Variants in PROX2 observed in about 807,000 individuals in gnomAD.
PROX2 encodes the protein prospero homeobox 2, also known as prospero homeobox protein 2.
PROX2 carries 46 observed loss-of-function variants against 48.9 expected under a neutral mutation model. That is an observed-to-expected ratio of 0.94 (90% CI 0.74 to 1.20). PROX2 has a LOEUF of 1.20. Ranked by LOEUF, PROX2 falls within the 50% of genes most tolerant of loss-of-function variation. The pLI, the probability that PROX2 is intolerant of heterozygous loss-of-function variation, is 0.00. For synonymous variants in PROX2, 260 were observed against 276.6 expected (o/e 0.94, Z 0.60); for missense variants, 663 against 719.4 (o/e 0.92, Z 0.90).
chr14:74,873,799 T>C (rs1883273669), intron 1 of PROX2: 2 of 462,504 alleles, frequency 4.3e-6, no homozygotes, highest in Non-Finnish European at 8.5e-6. Flanking sequence ...GCAGCATGTA[T>C]GCTGTATGCA....
chr14:74,862,536 C>T lies in PROX2; in HGVS notation c.1299G>A (p.Leu433=), dbSNP rs554116971. ...HAVMEALPFS[L]VHIQEGLNPG... The stretch of plus-strand genomic sequence containing the variant: ...AATTGCTATTAAAGGATATGTGGAC[C>T]AAAGAGAAAGGCAGTGCCTCCATGA... Residue 433 remains leucine, a synonymous_variant, in exon 3 of 6, where the codon TTG becomes TTA. Transcript: ENST00000556489. 2.5e-5 allele frequency: 41 copies of T among 1,611,908 alleles called. No homozygotes were observed. The highest frequency in any genetic ancestry group is 3.4e-5 in the Non-Finnish European group (40 of 1,179,172).
chr14:74,863,235 G>C lies in PROX2; in HGVS notation c.600C>G (p.Leu200=), dbSNP rs747551694. The C allele has an allele frequency of 1.9e-5, 31 of 1,613,848 alleles. No individual in the cohort carries two copies. Among genetic ancestry groups the C allele is most frequent in the Non-Finnish European group, 2.5e-5 (30 of 1,179,876 alleles). ...GDHQQGTSKD[L]SGAEKHQESE... ...ACTCTTGGTGTTTTTCTGCCCCAGA[G>C]AGGTCCTTGCTGGTACCTTGCTGGT... Residue 200 remains leucine (L), a synonymous_variant, in exon 3 of 6, where the codon CTC becomes CTG. Coordinates refer to ENST00000556489, the MANE Select transcript of PROX2 (RefSeq NM_001243007.2).
At position 74,863,386 on chromosome 14, in the gene PROX2, A is replaced by C. The variant is rs972226731; in HGVS notation, c.449T>G (p.Ile150Ser). ...GTCCCTGGGCTTGGCAGCCTGTAGG[A>C]TGTGCTCTTGCAGATGTCTTAGCTG... The part of the protein sequence containing the change: ...KQQLRHLQEH[I>S]LQAAKPRDTA... The change falls in exon 3 of 6, where the codon ATC becomes AGC. Residue 150 changes from isoleucine (I) to serine (S), a missense_variant. Coordinates refer to ENST00000556489, the MANE Select transcript of PROX2 (RefSeq NM_001243007.2). 1.2e-6 allele frequency: 2 copies of C among 1,613,700 alleles called. No individual in the cohort carries two copies. The highest frequency in any genetic ancestry group is 2.7e-5 in the African/African-American group (2 of 74,930).
At chr14:74,870,560 T>G (rs1883188166) in intron 2 of PROX2, among the ~76,000 whole-genome samples, 1 of 152,236 alleles carries the variant, frequency 6.6e-6, no homozygotes, top group South Asian at 2.1e-4. Flanking sequence ...TTTCTTTTTA[T>G]TTTTCTGAAT....
Position 74,863,988 on chromosome 14 carries a change from A to G in PROX2, c.-154T>C, listed in dbSNP as rs1340062924. ...TTCAGATTCTGGGATGCCAGGGCTC[A>G]TGAACCTCCTGGGCAGACTCCTGAA... is the stretch of plus-strand genomic sequence containing the variant. On this transcript the variant is annotated 5_prime_UTR_variant, in exon 3 of 6. An upstream start codon of the reference 5' UTR is lost. Coordinates refer to ENST00000556489, the MANE Select transcript of PROX2 (RefSeq NM_001243007.2). 1 of 939,046 alleles carries G rather than the reference A, an allele frequency of 1.1e-6. No homozygotes were observed. The highest frequency in any genetic ancestry group is 3.1e-5 in the East Asian group (1 of 32,182). 58.2% of individuals were successfully genotyped at this position (939,046 alleles called of 1,614,324 possible).
intron 3 of PROX2, among the ~76,000 whole-genome samples, chr14:74,860,819 C>T (rs1335889675): frequency 6.6e-6 from 1 of 152,146 alleles, no homozygotes; most frequent in Non-Finnish European, 1.5e-5. Flanking sequence ...GCCCAATCCC[C>T]AATTTAGGGG....
chr14:74,855,216 G>T lies in PROX2; in HGVS notation c.1695C>A (p.Ser565=). The T allele has an allele frequency of 6.3e-7, 1 of 1,595,232 alleles. No homozygotes were observed. The highest frequency in any genetic ancestry group is 2.2e-5 in the East Asian group (1 of 44,476). The change falls in exon 6 of 6, where the codon TCC becomes TCA. Residue 565 remains serine, a synonymous_variant. Coordinates refer to ENST00000556489, the MANE Select transcript of PROX2 (RefSeq NM_001243007.2). The part of the protein sequence containing the change: ...AVSAGRDSDP[S]WKKPIYKIIS... ...TAATTTTATAAATGGGTTTCTTCCA[G>T]GAAGGATCTGAGTCTCTCCCTGCGG...
chr14:74,873,188 T>G (rs1883257057), intron 1 of PROX2, among the ~76,000 whole-genome samples: 2 of 152,152 alleles, frequency 1.3e-5, no homozygotes, highest in Admixed American at 1.3e-4. Flanking sequence ...TTTCACCATG[T>G]TAGCCAGGAT....
chr14:74,856,693 T>G, intron 5 of PROX2, 108 bp downstream of exon 5: 1 of 952,062 alleles, frequency 1.1e-6, no homozygotes, highest in South Asian at 1.7e-5. Context: ...CAGGCTGCCC[T>G]GGCTCTCAGT....
intron 2 of PROX2, among the ~76,000 whole-genome samples, chr14:74,867,393 G>T (rs1319171): frequency 0.65 from 98,158 of 151,904 alleles, 33,682 homozygotes; most frequent in African/African-American, 0.9. Flanking sequence ...ACTTTTCCAC[G>T]GACAAACTCT....
intron 3 of PROX2, among the ~76,000 whole-genome samples, chr14:74,859,614 T>C (rs1013708471): frequency 2.0e-5 from 3 of 152,192 alleles, no homozygotes; most frequent in East Asian, 1.9e-4. Flanking sequence ...ACAAATACGC[T>C]TTGCATTTTT....
intron 4 of PROX2, chr14:74,857,719 T>C (rs1194550111): frequency 2.6e-5 from 4 of 151,680 alleles, no homozygotes; most frequent in African/African-American, 7.3e-5. Context: ...TCTGTCTCTC[T>C]CTCCCTCTCT....
intron 2 of PROX2, among the ~76,000 whole-genome samples, chr14:74,864,956 C>T (rs1883011062): frequency 6.6e-6 from 1 of 151,844 alleles, no homozygotes; most frequent in South Asian, 2.1e-4. Flanking sequence ...CCAGCCTGGC[C>T]AACATGGTGA....
In PROX2 at chr14:74,862,623, G is replaced by A. The variant is rs1409579312; in HGVS notation, c.1212C>T (p.Ala404=). Reference sequence around the variant, plus strand: ...GAAGAAGGGGTAGACTTTCCAGATGGGCAGAGGTGAAAGGCAAGGGACACT... The same window carrying A: ...GAAGAAGGGGTAGACTTTCCAGATGAGCAGAGGTGAAAGGCAAGGGACACT... ...QQQCPLPFTS[A]HLESLPLLPS... is the part of the protein sequence containing the mutation. Residue 404 remains alanine, a synonymous_variant, in exon 3 of 6, where the codon GCC becomes GCT. Coordinates refer to ENST00000556489, the MANE Select transcript of PROX2 (RefSeq NM_001243007.2). 1 of 1,613,998 alleles carries A rather than the reference G, an allele frequency of 6.2e-7. No individual in the cohort carries two copies. Among genetic ancestry groups the A allele is most frequent in the Non-Finnish European group, 8.5e-7 (1 of 1,179,884 alleles).
chr14:74,857,082 T>TG, intron 4 of PROX2, 87 bp from the exon 5 acceptor site: 8 of 1,072,504 alleles, frequency 7.5e-6, no homozygotes, highest in Admixed American at 2.0e-5. Context: ...AGTATAGGGG[T>TG]TCATATACGG....
chr14:74,855,137 G>A lies in PROX2; in HGVS notation c.1774C>T (p.Gln592Ter), dbSNP rs1250747828. The A allele has an allele frequency of 2.6e-6, 4 of 1,555,296 alleles. No individual in the cohort carries two copies. Among genetic ancestry groups the A allele is most frequent in the Non-Finnish European group, 3.5e-6 (4 of 1,140,472 alleles). Residue 592 changes from glutamine to a stop codon, truncating the protein, a stop_gained, in exon 6 of 6, where the codon CAG becomes TAG. Coordinates refer to ENST00000556489, the MANE Select transcript of PROX2 (RefSeq NM_001243007.2). LOFTEE classifies it high-confidence loss of function. ...GGATCTTAACCCCGAAACAGCTACT[G>A]GGGATAGCTGGAAGATTTGAATATC... ...PEIFKSSSYP[Q>*]
intron 2 of PROX2, among the ~76,000 whole-genome samples, chr14:74,868,292 GA>G (rs1314844403): frequency 7.8e-6 from 1 of 127,570 alleles, no homozygotes; most frequent in Non-Finnish European, 1.6e-5. Flanking sequence ...CATGTACAGA[GA>G]AGTTTATAAT....
chr14:74,863,507 T>C lies in PROX2; in HGVS notation c.328A>G (p.Thr110Ala). 6.2e-7 allele frequency: 1 copy of C among 1,613,662 alleles called. No homozygotes were observed. Among genetic ancestry groups the C allele is most frequent in the African/African-American group, 1.3e-5 (1 of 75,056 alleles). Residue 110 changes from threonine to alanine, a missense_variant, in exon 3 of 6, where the codon ACA becomes GCA. By Grantham distance (58) the Thr-to-Ala change is moderately conservative. Transcript: ENST00000556489. ...RERKRKQNLP[T>A]PQGLLMPAPA... ...GCTGGCATCAGGAGGCCTTGCGGTG[T>C]GGGAAGGTTCTGCTTCCTCTTCCTC...
chr14:74,872,859 C>G (rs528872115), intron 1 of PROX2, among the ~76,000 whole-genome samples: 1 of 152,324 alleles, frequency 6.6e-6, no homozygotes, highest in Admixed American at 6.5e-5. Flanking sequence ...GCCCAGGCCA[C>G]ACAGCCCTGT....
Sources: allele counts gnomAD v4.1 joint callset (sites outside exome capture counted in the v4.1 genomes callset), GRCh38; gene constraint gnomAD v4.1.1; transcripts MANE v1.5; gene names NCBI Gene and HGNC (gene_info 2026-07-23, HGNC 2026-07-21).